Variants in SLC4A4 observed in about 807,000 individuals in gnomAD.
SLC4A4 encodes electrogenic sodium bicarbonate cotransporter 1.
SLC4A4 carries 27 observed loss-of-function variants against 111.5 expected under a neutral mutation model. The observed-to-expected ratio is 0.24, with a 90% CI of 0.18 to 0.33. The LOEUF is 0.33. Ranked by LOEUF, SLC4A4 falls within the 10% of genes least tolerant of loss-of-function variation. SLC4A4 has a pLI of 1.00. For synonymous variants in SLC4A4, 443 were observed against 463.4 expected (o/e 0.96, Z 0.57); for missense variants, 909 against 1,315.5 (o/e 0.69, Z 4.78).
At chr4:71,081,832 T>A (rs1742001572) in intron 1 of SLC4A4, among the ~76,000 whole-genome samples, 2 of 152,054 alleles carry the variant, frequency 1.3e-5, no homozygotes, top group African/African-American at 4.8e-5. Context: ...ATAGAATGTT[T>A]GTTTCTTTGC....
intron 18 of SLC4A4, 61 bp from the exon 19 acceptor site, chr4:71,546,289 A>G (rs1735515225): frequency 3.5e-6 from 5 of 1,420,194 alleles, no homozygotes; most frequent in Non-Finnish European, 5.0e-6. Context: ...CCCTCTGGAA[A>G]TATGACTAGA....
intron 22 of SLC4A4, among the ~76,000 whole-genome samples, chr4:71,559,223 G>A (rs953214332): frequency 2.0e-5 from 3 of 151,786 alleles, no homozygotes; most frequent in Non-Finnish European, 2.9e-5. Context: ...AAGTCAGGAT[G>A]CCTATAACTT....
chr4:71,290,081 T>A (rs1201272110), intron 3 of SLC4A4, among the ~76,000 whole-genome samples: 1 of 152,050 alleles, frequency 6.6e-6, no homozygotes, highest in East Asian at 1.9e-4. Flanking sequence ...TCTGCTGGGT[T>A]AGGAAAAAAA....
intron 18 of SLC4A4, among the ~76,000 whole-genome samples, chr4:71,544,008 A>T (rs1735292963): frequency 6.6e-6 from 1 of 152,060 alleles, no homozygotes; most frequent in Admixed American, 6.6e-5. Flanking sequence ...GCTGTGCATC[A>T]TGCACTCTGC....
At position 71,241,510 on chromosome 4, in the gene SLC4A4, C is replaced by A. The variant is rs1053122529; in HGVS notation, c.73+4861C>A. 7.2e-5 allele frequency among the ~76,000 whole-genome samples: 11 copies of A among 152,028 alleles called. 1 individual carries two copies. The highest frequency in any genetic ancestry group is 2.7e-4 in the African/African-American group (11 of 41,492). On this transcript the variant is annotated intron_variant, in intron 2 of 25. Transcript: ENST00000264485. ...AAGGTAGTATTTTTTTCTAAAAAAA[C>A]TGGGGCCTGGTAGACATTTTTTAAT...
intron 7 of SLC4A4, among the ~76,000 whole-genome samples, chr4:71,398,784 A>G (rs188547458): frequency 3.0e-4 from 45 of 152,332 alleles, no homozygotes; most frequent in Non-Finnish European, 3.7e-4. Flanking sequence ...AGTGGAAACT[A>G]TAATACATAA....
chr4:71,490,830 A>G (rs961581969), intron 15 of SLC4A4, among the ~76,000 whole-genome samples: 4 of 151,826 alleles, frequency 2.6e-5, no homozygotes, highest in Non-Finnish European at 5.9e-5. Context: ...GCATGTAGCC[A>G]TTAAAAATTC....
intron 3 of SLC4A4, among the ~76,000 whole-genome samples, chr4:71,310,528 A>C (rs1227800695): frequency 6.6e-6 from 1 of 152,232 alleles, no homozygotes; most frequent in Non-Finnish European, 1.5e-5. Context: ...AGTGGGGCCC[A>C]ATATTCAATA....
At chr4:71,086,896 G>C (rs1742193655) in intron 1 of SLC4A4, among the ~76,000 whole-genome samples, 1 of 151,976 alleles carries the variant, frequency 6.6e-6, no homozygotes, top group African/African-American at 2.4e-5. Context: ...CCAGGCTTTG[G>C]TATCAGGATG....
At chr4:71,322,390 T>G (rs1468367063) in intron 3 of SLC4A4, among the ~76,000 whole-genome samples, 1 of 151,998 alleles carries the variant, frequency 6.6e-6, no homozygotes, top group Admixed American at 6.6e-5. Flanking sequence ...AATGTCTTCT[T>G]TTGTATGTGA....
chr4:71,120,913 C>G (rs7665485), intron 2 of SLC4A4, among the ~76,000 whole-genome samples: 1 of 152,020 alleles, frequency 6.6e-6, no homozygotes, highest in East Asian at 1.9e-4. Flanking sequence ...CCTCTGCTTG[C>G]GGGGAGGTGT....
At chr4:71,279,856 C>T (rs1190801805) in intron 3 of SLC4A4, among the ~76,000 whole-genome samples, 2 of 152,148 alleles carry the variant, frequency 1.3e-5, no homozygotes, top group East Asian at 3.9e-4. Context: ...AGCGCAGTGG[C>T]ATGATCTTGG....
intron 16 of SLC4A4, among the ~76,000 whole-genome samples, chr4:71,509,226 C>T (rs1190813235): frequency 2.0e-5 from 3 of 152,116 alleles, no homozygotes; most frequent in South Asian, 2.1e-4. Context: ...CATTCTTATT[C>T]AACATAGTAT....
At chr4:71,410,486 A>G (rs1334814383) in intron 7 of SLC4A4, among the ~76,000 whole-genome samples, 2 of 152,014 alleles carry the variant, frequency 1.3e-5, no homozygotes, top group African/African-American at 2.4e-5. Flanking sequence ...GTTTTGGCCA[A>G]TTTCTCCCAT....
intron 2 of SLC4A4, among the ~76,000 whole-genome samples, chr4:71,102,510 C>A (rs1742782278): frequency 6.6e-6 from 1 of 152,116 alleles, no homozygotes; most frequent in East Asian, 1.9e-4. Context: ...ATGTTAAGGG[C>A]AGGCAGAGAG....
intron 16 of SLC4A4, among the ~76,000 whole-genome samples, chr4:71,513,304 C>A (rs111768320): frequency 1.9e-4 from 29 of 152,202 alleles, no homozygotes; most frequent in African/African-American, 6.7e-4. Context: ...CTCTTCATTT[C>A]ATCAGTGTTG....
chr4:71,336,701 T>A (rs1728459862), intron 3 of SLC4A4, among the ~76,000 whole-genome samples: 1 of 152,198 alleles, frequency 6.6e-6, no homozygotes, highest in Non-Finnish European at 1.5e-5. Flanking sequence ...GTGAAGTTTT[T>A]AGCCAGTATC....
At chr4:71,453,348 C>G (rs1020567625) in intron 11 of SLC4A4, 147 bp from the exon 12 acceptor site, 1 of 809,702 alleles carries the variant, frequency 1.2e-6, no homozygotes, top group Non-Finnish European at 2.0e-6. Context: ...TTATAGTTTT[C>G]TGGTTTCATC....
chr4:71,426,434 A>G (rs1474220820), intron 7 of SLC4A4, among the ~76,000 whole-genome samples: 1 of 152,096 alleles, frequency 6.6e-6, no homozygotes, highest in Non-Finnish European at 1.5e-5. Context: ...TTCCCCATGT[A>G]TGGAATAAGG....
Sources: gnomAD v4.1 joint callset for allele counts (sites outside exome capture counted in the v4.1 genomes callset) on GRCh38, gnomAD v4.1.1 for gene constraint, MANE v1.5 for transcripts, NCBI Gene and HGNC (gene_info 2026-07-23, HGNC 2026-07-21) for gene names.